Variants in RASAL2 observed in about 807,000 individuals in gnomAD.
The protein encoded by RASAL2 is ras GTPase-activating protein nGAP.
RASAL2 carries 58 observed loss-of-function variants against 128.9 expected under a neutral mutation model. The ratio of observed to expected loss-of-function variants is 0.45; its 90% CI spans 0.36 to 0.56. The LOEUF is 0.56. RASAL2 is among the 20% of genes least tolerant of loss of function. The pLI is 0.00. For missense variants in RASAL2, 1,360 were observed against 1,601.6 expected (o/e 0.85, Z 2.57); for synonymous variants, 561 against 580.8 (o/e 0.97, Z 0.49).
chr1:178,181,529 T>C (rs1292781037), intron 1 of RASAL2, among the ~76,000 whole-genome samples: 1 of 152,116 alleles, frequency 6.6e-6, no homozygotes, highest in Non-Finnish European at 1.5e-5. Context: ...GGCTAATTTT[T>C]TGTATTTTTA....
chr1:178,454,314 TTATAGA>T (rs1189708879), intron 11 of RASAL2, 127 bp from the exon 12 acceptor site: 11 of 657,440 alleles, frequency 1.7e-5, no homozygotes, highest in Middle Eastern at 4.2e-4. Flanking sequence ...CATTTATCAC[TTATAGA>T]TAATAAACAA....
At chr1:178,296,522 G>T (rs1667514357) in intron 2 of RASAL2, among the ~76,000 whole-genome samples, 1 of 151,154 alleles carries the variant, frequency 6.6e-6, no homozygotes, top group Non-Finnish European at 1.5e-5. Flanking sequence ...ACTACAACTG[G>T]CTGATTTTTA....
intron 1 of RASAL2, among the ~76,000 whole-genome samples, chr1:178,238,878 C>T (rs1024322238): frequency 6.6e-6 from 1 of 152,016 alleles, no homozygotes; most frequent in African/African-American, 2.4e-5. Context: ...TGGTTTCTCA[C>T]ACTCAAGGCC....
intron 1 of RASAL2, among the ~76,000 whole-genome samples, chr1:178,108,345 A>G (rs184465268): frequency 3.9e-5 from 6 of 152,280 alleles, no homozygotes; most frequent in Non-Finnish European, 8.8e-5. Context: ...TAATTATTCT[A>G]CATATTAATC....
chr1:178,121,971 T>C (rs1659734149), intron 1 of RASAL2, among the ~76,000 whole-genome samples: 1 of 152,326 alleles, frequency 6.6e-6, no homozygotes, highest in African/African-American at 2.4e-5. Context: ...GATAACTGTT[T>C]TCTGGTTTTT....
At chr1:178,369,792 A>G (rs1671602158) in intron 3 of RASAL2, among the ~76,000 whole-genome samples, 1 of 152,210 alleles carries the variant, frequency 6.6e-6, no homozygotes, top group Non-Finnish European at 1.5e-5. Context: ...TAAATCTACT[A>G]TATGCTAGGC....
chr1:178,386,882 A>C (rs181662785), intron 3 of RASAL2, among the ~76,000 whole-genome samples: 1 of 151,624 alleles, frequency 6.6e-6, no homozygotes, highest in African/African-American at 2.4e-5. Flanking sequence ...ATTTTCCTTC[A>C]AACTGAGCAG....
intron 2 of RASAL2, among the ~76,000 whole-genome samples, chr1:178,285,101 T>TCC (rs1666956980): frequency 1.4e-5 from 2 of 143,248 alleles, no homozygotes; most frequent in African/African-American, 5.3e-5. Flanking sequence ...CATTGCTACT[T>TCC]TCTTTTTTTT....
intron 1 of RASAL2, among the ~76,000 whole-genome samples, chr1:178,242,248 A>G (rs888330454): frequency 3.0e-4 from 46 of 151,664 alleles, no homozygotes; most frequent in African/African-American, 1.0e-3. Flanking sequence ...TATTGCTTCA[A>G]TTAGTATATA....
intron 1 of RASAL2, among the ~76,000 whole-genome samples, chr1:178,175,736 C>T (rs1252725887): frequency 6.6e-6 from 1 of 151,574 alleles, no homozygotes; most frequent in African/African-American, 2.4e-5. Flanking sequence ...CATTATATAT[C>T]ACTGTGAATG....
intron 1 of RASAL2, among the ~76,000 whole-genome samples, chr1:178,106,225 A>C (rs1659082220): frequency 6.6e-6 from 1 of 152,198 alleles, no homozygotes; most frequent in South Asian, 2.1e-4. Context: ...CATGTACACT[A>C]TCTCCAGGGT....
At chr1:178,402,957 C>T (rs903218095) in intron 4 of RASAL2, among the ~76,000 whole-genome samples, 1 of 152,052 alleles carries the variant, frequency 6.6e-6, no homozygotes, top group African/African-American at 2.4e-5. Context: ...GGCTAATAGA[C>T]CTCACTTTGA....
intron 1 of RASAL2, among the ~76,000 whole-genome samples, chr1:178,225,909 A>G (rs1444675821): frequency 1.3e-5 from 2 of 152,082 alleles, no homozygotes; most frequent in Admixed American, 6.6e-5. Flanking sequence ...GGATTACTGT[A>G]TCTTTGATTC....
chr1:178,477,334 A>T lies in RASAL2; in HGVS notation c.*4095A>T, dbSNP rs969485099. The T allele has an allele frequency of 6.6e-6, 1 of 152,200 alleles. No homozygotes were observed. Among genetic ancestry groups the T allele is most frequent in the Non-Finnish European group, 1.5e-5 (1 of 68,034 alleles). The allele number at this position is 152,200 out of a possible 1,614,324, so 9.4% of individuals were successfully genotyped here. A position where few individuals can be genotyped will look rare whatever the true frequency, so the allele number is the denominator to read the frequency against. ...GGATTTAGTTTCTTAAAAGCAAGAA[A>T]TGTTGGAGTGTTGAATTTTTAAATA... On this transcript the variant is annotated 3_prime_UTR_variant, in exon 18 of 18. Transcript: ENST00000367649.
intron 1 of RASAL2, among the ~76,000 whole-genome samples, chr1:178,221,113 A>G (rs1431316865): frequency 1.3e-5 from 2 of 152,166 alleles, no homozygotes; most frequent in African/African-American, 2.4e-5. Context: ...GATTGTTGCC[A>G]TTTTAATAGG....
intron 1 of RASAL2, among the ~76,000 whole-genome samples, chr1:178,186,363 C>A (rs542073222): frequency 1.3e-4 from 20 of 151,714 alleles, no homozygotes; most frequent in Non-Finnish European, 2.6e-4. Context: ...GTTGATTCTC[C>A]GTTTTCATTT....
At chr1:178,300,798 G>T (rs1222588529) in intron 3 of RASAL2, among the ~76,000 whole-genome samples, 1 of 152,108 alleles carries the variant, frequency 6.6e-6, no homozygotes, top group East Asian at 1.9e-4. Context: ...TAAATAATCA[G>T]ACTGGTCAGG....
rs544608078 is a variant in RASAL2 at position 178,468,649 on chromosome 1, T to C, written c.3678+1228T>C. On this transcript the variant is annotated intron_variant, in intron 17 of 17. Transcript: ENST00000367649. ...TAAAATATTTTGGATTCTTGAACTC[T>C]ATAGTTTCTGGATACTTAGACATGC... is the stretch of plus-strand genomic sequence containing the variant. Among the ~76,000 whole-genome samples the C allele has an allele frequency of 2.9e-3, 442 of 152,334 alleles. 2 individuals carry two copies. The highest frequency in any genetic ancestry group is 0.01 in the African/African-American group (426 of 41,570).
intron 3 of RASAL2, among the ~76,000 whole-genome samples, chr1:178,376,558 T>C (rs1170878524): frequency 2.0e-5 from 3 of 152,114 alleles, no homozygotes; most frequent in Non-Finnish European, 4.4e-5. Flanking sequence ...AAAAAACTCA[T>C]ACAGGAACCA....
Sources: gnomAD v4.1 joint callset for allele counts (sites outside exome capture counted in the v4.1 genomes callset) on GRCh38, gnomAD v4.1.1 for gene constraint, MANE v1.5 for transcripts, NCBI Gene and HGNC (gene_info 2026-07-23, HGNC 2026-07-21) for gene names.